GSR: variants seen among roughly 807,000 people sequenced by gnomAD.
GSR encodes the protein glutathione-disulfide reductase, also known as glutathione reductase, mitochondrial.
A neutral mutation model predicts 56.5 loss-of-function variants in GSR; 48 were observed. That is an observed-to-expected ratio of 0.85 (90% CI 0.67 to 1.08). The LOEUF is 1.08. Ranked by LOEUF, GSR falls within the 50% of genes least tolerant of loss-of-function variation. The pLI is 0.00. For missense variants in GSR, 694 were observed against 703.3 expected (o/e 0.99, Z 0.15); for synonymous variants, 264 against 270.8 (o/e 0.97, Z 0.25).
At chr8:30,680,675 G>A (rs909688974) in intron 12 of GSR, among the ~76,000 whole-genome samples, 1 of 152,070 alleles carries the variant, frequency 6.6e-6, no homozygotes, top group African/African-American at 2.4e-5. Flanking sequence ...GATTACAGGT[G>A]TGAGCCACCA....
rs183795282 is a variant in GSR, at chr8:30,679,831, G to A, written c.1420-162C>T. On this transcript the variant is annotated intron_variant, in intron 12 of 12. Coordinates refer to ENST00000221130, the MANE Select transcript of GSR (RefSeq NM_000637.5). ...AGTGATTCTCCTGCCTCAGCCTCCC[G>A]AGTAGCTGGGATTACAGGCGCGCAC... 1.4e-4 allele frequency among the ~76,000 whole-genome samples: 21 copies of A among 150,814 alleles called. No homozygotes were observed. In the East Asian group the frequency reaches 1.6e-3, roughly 11 times the overall value.
At chr8:30,705,923 T>G (rs908301108) in intron 4 of GSR, among the ~76,000 whole-genome samples, 1 of 152,128 alleles carries the variant, frequency 6.6e-6, no homozygotes, top group Non-Finnish European at 1.5e-5. Context: ...TATAAAACTG[T>G]ACACAGTTAG....
intron 4 of GSR, among the ~76,000 whole-genome samples, chr8:30,706,677 A>G (rs1270326672): frequency 6.6e-6 from 1 of 152,172 alleles, no homozygotes; most frequent in Non-Finnish European, 1.5e-5. Context: ...AAGGTGTGAC[A>G]TCCCAGCACT....
At chr8:30,680,859 G>C in intron 12 of GSR, 45 bp downstream of exon 12, 1 of 1,582,584 alleles carries the variant, frequency 6.3e-7, no homozygotes. Flanking sequence ...TGCCATCCCT[G>C]TCCATTTTGC....
intron 3 of GSR, among the ~76,000 whole-genome samples, chr8:30,708,678 C>A (rs555318216): frequency 6.6e-6 from 1 of 152,082 alleles, no homozygotes; most frequent in South Asian, 2.1e-4. Flanking sequence ...AAAAACAGGC[C>A]GGGCGCGGTG....
intron 4 of GSR, among the ~76,000 whole-genome samples, chr8:30,705,564 T>C (rs1246110725): frequency 6.6e-6 from 1 of 151,914 alleles, no homozygotes; most frequent in East Asian, 1.9e-4. Context: ...GCCCGGCCTC[T>C]ACAAACGTTT....
At chr8:30,706,591 G>A (rs572860964) in intron 4 of GSR, among the ~76,000 whole-genome samples, 6 of 152,210 alleles carry the variant, frequency 3.9e-5, no homozygotes, top group African/African-American at 1.2e-4. Flanking sequence ...GAAGGGTGGC[G>A]GGAAGATATT....
chr8:30,679,419 TA>T lies in GSR; in HGVS notation c.*100del. On this transcript the variant is annotated 3_prime_UTR_variant, in exon 13 of 13. Transcript: ENST00000221130. ...CACTATCAGAAGATCCTGATTAAAA[TA>T]AAGAAATACATAAAACTCAAACAGT... 8.6e-7 allele frequency: 1 copy of T among 1,168,482 alleles called. No individual in the cohort carries two copies. The highest frequency in any genetic ancestry group is 1.3e-6 in the Non-Finnish European group (1 of 795,692). 72.4% of individuals were successfully genotyped at this position (1,168,482 alleles called of 1,614,324 possible).
Position 30,723,841 on chromosome 8 carries a change from A to G in GSR, c.306+3689T>C, listed in dbSNP as rs144807832. ...ACACCCAGGTCTGCTGGGACCTAGT[A>G]CAGGAGACTGGTCCAAAACAATGGC... On this transcript the variant is annotated intron_variant, in intron 1 of 12. Coordinates refer to ENST00000221130, the MANE Select transcript of GSR (RefSeq NM_000637.5). Among the ~76,000 whole-genome samples the G allele has an allele frequency of 1.0e-3, 157 of 152,102 alleles. 2 individuals carry two copies. Among genetic ancestry groups the G allele is most frequent in the East Asian group, 9.7e-3 (50 of 5,172 alleles).
intron 5 of GSR, 129 bp downstream of exon 5, chr8:30,702,964 G>T: frequency 1.0e-6 from 1 of 966,094 alleles, no homozygotes; most frequent in Non-Finnish European, 1.7e-6. Flanking sequence ...AGGTTCTGCA[G>T]AGACCTTCTC....
chr8:30,707,623 G>A (rs1051157759), intron 4 of GSR, among the ~76,000 whole-genome samples: 1 of 152,118 alleles, frequency 6.6e-6, no homozygotes, highest in Non-Finnish European at 1.5e-5. Flanking sequence ...TTGCACCACC[G>A]TACTCCAGCC....
At position 30,678,981 on chromosome 8, in the gene GSR, G is replaced by A. The variant is rs911366325; in HGVS notation, c.*539C>T. The A allele has an allele frequency of 6.5e-6, 1 of 154,044 alleles. No individual in the cohort carries two copies. Among genetic ancestry groups the A allele is most frequent in the African/African-American group, 2.4e-5 (1 of 41,366 alleles). The allele number at this position is 154,044 out of a possible 1,614,324, so 9.5% of individuals were successfully genotyped here. A position where few individuals can be genotyped will look rare whatever the true frequency, so the allele number is the denominator to read the frequency against. On this transcript the variant is annotated 3_prime_UTR_variant, in exon 13 of 13. Coordinates refer to ENST00000221130, the MANE Select transcript of GSR (RefSeq NM_000637.5). Reference sequence around the variant, plus strand: ...CCTGACCAACATGGAGAAACCCCATGTCTACTAAAAATACAAAATTAGTCA... The same window carrying A: ...CCTGACCAACATGGAGAAACCCCATATCTACTAAAAATACAAAATTAGTCA...
At chr8:30,682,341 A>G (rs1379517444) in intron 10 of GSR, among the ~76,000 whole-genome samples, 1 of 152,206 alleles carries the variant, frequency 6.6e-6, no homozygotes, top group East Asian at 1.9e-4. Flanking sequence ...TTGGAGCACC[A>G]TGATGCCACA....
chr8:30,696,545 GA>G, intron 6 of GSR, 66 bp from the exon 7 acceptor site: 1 of 1,103,296 alleles, frequency 9.1e-7, no homozygotes, highest in Non-Finnish European at 1.4e-6. Flanking sequence ...CACGTTTACA[GA>G]AAAGTTGCAG....
rs1270562207 is a variant in GSR at position 30,727,805 on chromosome 8, C to G, written c.31G>C (p.Gly11Arg). The G allele has an allele frequency of 3.8e-6, 5 of 1,310,350 alleles. No homozygotes were observed. Among genetic ancestry groups the G allele is most frequent in the East Asian group, 3.4e-5 (1 of 29,750 alleles). The allele number at this position is 1,310,350 out of a possible 1,614,324, so 81.2% of individuals were successfully genotyped here. ...GCCCGCCGCCAGCTCGGTCCCGCGC[C>G]GGCGCTCAGGGCTCGGGGCAGCAGG... MALLPRALSA[G>R]AGPSWRRAAR... Residue 11 changes from glycine to arginine, a missense_variant, in exon 1 of 13, where the codon GGC becomes CGC. Transcript: ENST00000221130.
At chr8:30,726,273 G>A (rs1375432935) in intron 1 of GSR, among the ~76,000 whole-genome samples, 1 of 152,154 alleles carries the variant, frequency 6.6e-6, no homozygotes, top group Non-Finnish European at 1.5e-5. Flanking sequence ...AAGGTGATAA[G>A]AGACACACAA....
intron 8 of GSR, among the ~76,000 whole-genome samples, chr8:30,691,879 G>C (rs1803389473): frequency 6.6e-6 from 1 of 151,282 alleles, no homozygotes; most frequent in Admixed American, 6.6e-5. Flanking sequence ...TGGGCAGATA[G>C]TCTCAGCTCA....
chr8:30,711,733 T>C (rs1804150895), intron 2 of GSR, among the ~76,000 whole-genome samples: 2 of 152,238 alleles, frequency 1.3e-5, no homozygotes, highest in African/African-American at 4.8e-5. Context: ...CTTGGGAGGC[T>C]GAGGCAAGAG....
intron 1 of GSR, among the ~76,000 whole-genome samples, chr8:30,721,658 G>GA (rs11316943): frequency 2.0e-5 from 3 of 147,304 alleles, no homozygotes; most frequent in African/African-American, 5.1e-5. Context: ...GTGTCAAGAA[G>GA]AAAAAAAAAA....
Sources: allele counts gnomAD v4.1 joint callset (sites outside exome capture counted in the v4.1 genomes callset), GRCh38; gene constraint gnomAD v4.1.1; transcripts MANE v1.5; gene names NCBI Gene and HGNC (gene_info 2026-07-23, HGNC 2026-07-21).